The following MAEL variants were observed in gnomAD, a reference collection of about 807,000 sequenced individuals.
The protein encoded by MAEL is protein maelstrom homolog.
MAEL carries 46 observed loss-of-function variants against 62.0 expected under a neutral mutation model. The observed-to-expected ratio is 0.74, with a 90% CI of 0.59 to 0.95. The LOEUF (loss-of-function observed/expected upper bound fraction) is 0.95. Among genes scored for constraint, MAEL ranks in the 40% least tolerant of loss-of-function variants. The probability of loss-of-function intolerance (pLI) is 0.00; values close to 1 mark genes in which losing one functional copy is unlikely to be tolerated. For synonymous variants in MAEL, 172 were observed against 175.5 expected, an observed-to-expected ratio of 0.98 and a Z score of 0.16; for missense variants, 497 against 526.8, an observed-to-expected ratio of 0.94 and a Z score of 0.55.
chr1:166,999,544 C>T (rs1266816889), intron 5 of MAEL, among the ~76,000 whole-genome samples: 2 of 152,214 alleles, frequency 1.3e-5, no homozygotes, highest in Non-Finnish European at 2.9e-5. Context: ...ATCTCTATAA[C>T]ATAAAAGTGC....
Position 166,989,401 on chromosome 1 carries a change from GAGA to G in MAEL, c.53_55del (p.Lys18del). On this transcript the variant is annotated inframe_deletion, in exon 1 of 12. Coordinates refer to ENST00000367872, the MANE Select transcript of MAEL (RefSeq NM_032858.3). Reference sequence around the variant, plus strand: ...GAATGCTTACTATTTCTTCGTGCAGGAGAAGATCCCCGAACTACGGCGACGAGG... The same window carrying G: ...GAATGCTTACTATTTCTTCGTGCAGGAGATCCCCGAACTACGGCGACGAGG... 6.2e-7 allele frequency: 1 copy of G among 1,607,372 alleles called. No homozygotes were observed. The highest frequency in any genetic ancestry group is 1.1e-5 in the South Asian group (1 of 89,420).
At chr1:166,980,596 G>T (rs1374660389) in intron 1 of MAEL, among the ~76,000 whole-genome samples, 1 of 152,162 alleles carries the variant, frequency 6.6e-6, no homozygotes, top group East Asian at 1.9e-4. Flanking sequence ...TGAGCCCTGG[G>T]AGCTTTTACT....
chr1:166,985,927 G>A (rs914082512), upstream of MAEL, among the ~76,000 whole-genome samples: 1 of 152,114 alleles, frequency 6.6e-6, no homozygotes, highest in Non-Finnish European at 1.5e-5. Context: ...TGTATTCCAT[G>A]TTAAACAACG....
At chr1:167,019,805 A>C (rs192956054) in intron 10 of MAEL, among the ~76,000 whole-genome samples, 1 of 152,070 alleles carries the variant, frequency 6.6e-6, no homozygotes, top group Non-Finnish European at 1.5e-5. Context: ...TTTTGGAGTC[A>C]GTAGACTCCT....
At chr1:166,994,729 G>A (rs897873833) in intron 5 of MAEL, among the ~76,000 whole-genome samples, 5 of 149,800 alleles carry the variant, frequency 3.3e-5, no homozygotes, top group African/African-American at 9.9e-5. Context: ...GAGTGGAGGG[G>A]CGTGATCTTG....
At chr1:166,984,819 C>T (rs1404396822), upstream of MAEL, among the ~76,000 whole-genome samples, 2 of 152,206 alleles carry the variant, frequency 1.3e-5, no homozygotes, top group Non-Finnish European at 2.9e-5. Flanking sequence ...CAATTCTTCA[C>T]ATGACTAGCT....
chr1:167,021,449 T>C (rs1364615645), intron 11 of MAEL, among the ~76,000 whole-genome samples: 1 of 152,166 alleles, frequency 6.6e-6, no homozygotes, highest in Non-Finnish European at 1.5e-5. Context: ...TGGTATCTTT[T>C]GTGGGGTGAG....
At chr1:167,010,955 G>A (rs1665147229) in intron 8 of MAEL, among the ~76,000 whole-genome samples, 1 of 151,836 alleles carries the variant, frequency 6.6e-6, no homozygotes, top group African/African-American at 2.4e-5. Flanking sequence ...TGTGGTTGTA[G>A]GTTCTTAGAA....
intron 9 of MAEL, 131 bp from the exon 10 acceptor site, chr1:167,017,696 C>A: frequency 1.4e-6 from 1 of 699,902 alleles, no homozygotes. Flanking sequence ...TTCTCTGAAT[C>A]TCCAAATTTA....
intron 4 of MAEL, among the ~76,000 whole-genome samples, chr1:166,993,324 A>G (rs76569138): frequency 1.9e-3 from 284 of 152,250 alleles, no homozygotes; most frequent in African/African-American, 6.5e-3. Context: ...ACAAATATGG[A>G]AATAGCCTAA....
intron 8 of MAEL, chr1:167,012,593 A>C (rs967763728): frequency 1.3e-5 from 2 of 152,238 alleles, no homozygotes; most frequent in African/African-American, 4.8e-5. Context: ...AATAAAGAAA[A>C]TGGTAATTTT....
intron 8 of MAEL, among the ~76,000 whole-genome samples, chr1:167,008,085 G>A (rs184128139): frequency 2.0e-5 from 3 of 152,124 alleles, no homozygotes; most frequent in East Asian, 1.9e-4. Flanking sequence ...AAAAAAGCTT[G>A]TTAGGATTGC....
chr1:167,004,087 C>A, intron 5 of MAEL, 93 bp from the exon 6 acceptor site: 1 of 1,083,112 alleles, frequency 9.2e-7, no homozygotes, highest in East Asian at 2.4e-5. Flanking sequence ...CTGTGTGTTA[C>A]CCACTACTCT....
intron 8 of MAEL, among the ~76,000 whole-genome samples, chr1:167,006,634 TA>T (rs1557982549): frequency 3.3e-4 from 31 of 93,118 alleles, no homozygotes; most frequent in African/African-American, 1.1e-3. Context: ...TATATATATA[TA>T]TACATTTTTT....
At chr1:167,006,828 G>T (rs1184625581) in intron 8 of MAEL, among the ~76,000 whole-genome samples, 1 of 151,328 alleles carries the variant, frequency 6.6e-6, no homozygotes, top group Non-Finnish European at 1.5e-5. Context: ...TAGAGATGTG[G>T]TTTCACCATG....
chr1:167,019,119 G>T (rs1665514320), intron 10 of MAEL, among the ~76,000 whole-genome samples: 1 of 152,098 alleles, frequency 6.6e-6, no homozygotes. Context: ...TGTCCTCCAT[G>T]GGACATCTGA....
chr1:166,987,394 G>A (rs945863264), upstream of MAEL, among the ~76,000 whole-genome samples: 12 of 152,122 alleles, frequency 7.9e-5, no homozygotes, highest in Non-Finnish European at 1.3e-4. Flanking sequence ...TCTACTAAAT[G>A]AATGTGCCAC....
At chr1:167,011,799 ATT>A (rs574211650) in intron 8 of MAEL, among the ~76,000 whole-genome samples, 60 of 152,328 alleles carry the variant, frequency 3.9e-4, no homozygotes, top group Admixed American at 2.2e-3. Context: ...TCAAATAGAC[ATT>A]GTGCAATACC....
At chr1:167,010,906 G>C (rs1450250742) in intron 8 of MAEL, among the ~76,000 whole-genome samples, 3 of 152,172 alleles carry the variant, frequency 2.0e-5, no homozygotes, top group Non-Finnish European at 2.9e-5. Flanking sequence ...ATGTGACAAA[G>C]TACAGGTTCT....
Sources: allele counts gnomAD v4.1 joint callset (sites outside exome capture counted in the v4.1 genomes callset), GRCh38; gene constraint gnomAD v4.1.1; transcripts MANE v1.5; gene names NCBI Gene and HGNC (gene_info 2026-07-23, HGNC 2026-07-21).